AKAP12: variants seen among roughly 807,000 people sequenced by gnomAD.
AKAP12 encodes the protein A-kinase anchor protein 12.
Under a neutral mutation model 79.9 loss-of-function variants are expected in AKAP12, and 32 were observed. The ratio of observed to expected loss-of-function variants is 0.40; its 90% CI spans 0.30 to 0.54. AKAP12 has a LOEUF of 0.54. Ranked by LOEUF, AKAP12 falls within the 20% of genes least tolerant of loss-of-function variation. The pLI is 0.48. For missense variants in AKAP12, 2,074 were observed against 2,177.0 expected, an observed-to-expected ratio of 0.95 and a Z score of 0.94; for synonymous variants, 808 against 857.0, an observed-to-expected ratio of 0.94 and a Z score of 1.00.
At chr6:151,280,024 T>C (rs992064750) in intron 2 of AKAP12, among the ~76,000 whole-genome samples, 2 of 142,862 alleles carry the variant, frequency 1.4e-5, no homozygotes, top group Non-Finnish European at 3.1e-5. Flanking sequence ...AACAAACATA[T>C]CCTTTCGGTT....
At chr6:151,332,036 T>TTTTTGTG (rs1582887148) in intron 3 of AKAP12, among the ~76,000 whole-genome samples, 1 of 44,302 alleles carries the variant, frequency 2.3e-5, no homozygotes, top group African/African-American at 4.7e-4. Context: ...TGGGTCTGTT[T>TTTTTGTG]TTTTTTTTTT....
intron 2 of AKAP12, among the ~76,000 whole-genome samples, chr6:151,265,066 G>A (rs1324732251): frequency 6.6e-6 from 1 of 151,766 alleles, no homozygotes; most frequent in African/African-American, 2.4e-5. Context: ...CGGGAGAATT[G>A]CTTGAACCCA....
intron 2 of AKAP12, among the ~76,000 whole-genome samples, chr6:151,284,002 G>T (rs78666122): frequency 0.027 from 4,065 of 152,246 alleles, 125 homozygotes; most frequent in East Asian, 0.11. Flanking sequence ...TGGTTTGGGG[G>T]TTTTTAGGGT....
chr6:151,253,832 G>C (rs542019624), intron 2 of AKAP12, among the ~76,000 whole-genome samples: 4 of 151,948 alleles, frequency 2.6e-5, no homozygotes, highest in Non-Finnish European at 5.9e-5. Context: ...TCAGCCTCTT[G>C]AGTAGCTGGA....
intron 2 of AKAP12, among the ~76,000 whole-genome samples, chr6:151,263,299 T>C (rs1797473765): frequency 6.6e-6 from 1 of 152,078 alleles, no homozygotes; most frequent in Non-Finnish European, 1.5e-5. Context: ...CCTCCCAAAA[T>C]GCTGGGATTA....
Position 151,349,567 on chromosome 6 carries a change from T to C in AKAP12, c.1176T>C (p.Ser392=). 1 of 1,611,278 alleles carries C rather than the reference T, an allele frequency of 6.2e-7. No individual in the cohort carries two copies. The highest frequency in any genetic ancestry group is 8.5e-7 in the Non-Finnish European group (1 of 1,179,306). Residue 392 remains serine, a synonymous_variant, in exon 4 of 5, where the codon TCT becomes TCC. Transcript: ENST00000402676. Reference sequence around the variant, plus strand: ...AAGTCAGTGGCTCGCAGGGACCTTCTGAAGAGAAACCTGCTCCGTTGGCGA... The same window carrying C: ...AAGTCAGTGGCTCGCAGGGACCTTCCGAAGAGAAACCTGCTCCGTTGGCGA... ...EEQVSGSQGP[S]EEKPAPLATE...
At chr6:151,328,727 G>A (rs892261855) in intron 3 of AKAP12, among the ~76,000 whole-genome samples, 2 of 151,970 alleles carry the variant, frequency 1.3e-5, no homozygotes, top group Non-Finnish European at 1.5e-5. Flanking sequence ...AAATACTATA[G>A]AAGGTTATTG....
rs990303564 is a variant in AKAP12 at position 151,262,298 on chromosome 6, G to C, written c.162+21574G>C. On this transcript the variant is annotated intron_variant, in intron 2 of 4. Coordinates refer to ENST00000402676, the MANE Select transcript of AKAP12 (RefSeq NM_005100.4). ...ATGTTTTCTTGCTGGTCTGCTACAC[G>C]TTCTTCTTCTGTTCAGTCAGTGCAT... Among the ~76,000 whole-genome samples, 5 of 152,280 alleles carry C rather than the reference G, an allele frequency of 3.3e-5. No individual in the cohort carries two copies. In the East Asian group the frequency reaches 5.8e-4, roughly 18 times the overall value.
intron 3 of AKAP12, among the ~76,000 whole-genome samples, chr6:151,313,019 G>A (rs1582874512): frequency 2.6e-5 from 4 of 152,282 alleles, no homozygotes; most frequent in African/African-American, 9.6e-5. Flanking sequence ...AATCATCTAG[G>A]TGAGGAGGAG....
intron 2 of AKAP12, among the ~76,000 whole-genome samples, chr6:151,252,099 A>G (rs1476454235): frequency 6.6e-6 from 1 of 152,230 alleles, no homozygotes; most frequent in African/African-American, 2.4e-5. Context: ...GCATTTCTCT[A>G]ATAGTGGTCT....
Position 151,349,978 on chromosome 6 carries a change from T to C in AKAP12, c.1587T>C (p.Ser529=), listed in dbSNP as rs781230437. The C allele has an allele frequency of 6.8e-6, 11 of 1,613,674 alleles. No homozygotes were observed. In the Admixed American group the frequency reaches 1.7e-4, roughly 24 times the overall value. ...LFTSTGLKKL[S]GKKQKGKRGG... is the part of the protein sequence containing the mutation. ...CCAGCACTGGCTTAAAAAAGCTTTCTGGAAAGAAACAGAAAGGGAAAAGAG... is the reference window on the plus strand; with the variant it reads ...CCAGCACTGGCTTAAAAAAGCTTTCCGGAAAGAAACAGAAAGGGAAAAGAG... The change falls in exon 4 of 5, where the codon TCT becomes TCC. Residue 529 remains serine (S), a synonymous_variant. Coordinates refer to ENST00000402676, the MANE Select transcript of AKAP12 (RefSeq NM_005100.4).
At chr6:151,346,405 A>G (rs761298421) in intron 3 of AKAP12, among the ~76,000 whole-genome samples, 2 of 152,174 alleles carry the variant, frequency 1.3e-5, no homozygotes, top group Non-Finnish European at 2.9e-5. Context: ...CTTGCAGACA[A>G]TCCTTTTGTG....
intron 2 of AKAP12, among the ~76,000 whole-genome samples, chr6:151,282,280 T>G (rs1416787902): frequency 1.3e-5 from 2 of 152,038 alleles, no homozygotes; most frequent in Non-Finnish European, 2.9e-5. Flanking sequence ...CAGCTAATTT[T>G]TGTATTTTTA....
At chr6:151,304,267 A>C (rs1388374162) in intron 2 of AKAP12, among the ~76,000 whole-genome samples, 4 of 151,828 alleles carry the variant, frequency 2.6e-5, no homozygotes, top group Non-Finnish European at 4.4e-5. Context: ...AGGTGGGTGG[A>C]TCACTTGAGG....
chr6:151,334,797 A>AT (rs199564300), intron 3 of AKAP12, among the ~76,000 whole-genome samples: 7,298 of 151,010 alleles, frequency 0.048, 282 homozygotes, highest in East Asian at 0.14. Flanking sequence ...GATTTTTTGT[A>AT]TTTTTTTAGT....
intron 3 of AKAP12, among the ~76,000 whole-genome samples, chr6:151,318,214 C>T (rs6906772): frequency 0.5 from 75,357 of 152,008 alleles, 20,258 homozygotes; most frequent in East Asian, 0.85. Flanking sequence ...GAATCCAGGA[C>T]TACCAGATCC....
intron 3 of AKAP12, among the ~76,000 whole-genome samples, chr6:151,310,549 G>T (rs1777071868): frequency 6.6e-6 from 1 of 152,084 alleles, no homozygotes; most frequent in African/African-American, 2.4e-5. Flanking sequence ...CCAACGTGGC[G>T]AAACCCTGTC....
intron 2 of AKAP12, among the ~76,000 whole-genome samples, chr6:151,272,850 A>G (rs1214817495): frequency 6.6e-6 from 1 of 151,952 alleles, no homozygotes; most frequent in Non-Finnish European, 1.5e-5. Flanking sequence ...TTATTTTTAT[A>G]AAGAGCCCAG....
At chr6:151,341,462 C>G (rs1406541973) in intron 3 of AKAP12, among the ~76,000 whole-genome samples, 1 of 152,172 alleles carries the variant, frequency 6.6e-6, no homozygotes, top group Non-Finnish European at 1.5e-5. Context: ...TGAAGAGACC[C>G]CACTGGGGCG....
Sources: allele counts gnomAD v4.1 joint callset (sites outside exome capture counted in the v4.1 genomes callset), GRCh38; gene constraint gnomAD v4.1.1; transcripts MANE v1.5; gene names NCBI Gene and HGNC (gene_info 2026-07-23, HGNC 2026-07-21).